The following AGBL4 variants were observed in gnomAD, a reference collection of about 807,000 sequenced individuals.
AGBL4 encodes cytosolic carboxypeptidase 6.
Under a neutral mutation model 66.4 loss-of-function variants are expected in AGBL4, and 58 were observed. That is an observed-to-expected ratio of 0.87 (90% confidence interval 0.71 to 1.09). AGBL4 has a LOEUF of 1.09. Ranked by LOEUF, AGBL4 falls within the 50% of genes least tolerant of loss-of-function variation. AGBL4 has a pLI of 0.00. For missense variants in AGBL4, 579 were observed against 631.0 expected, an observed-to-expected ratio of 0.92 and a Z score of 0.88; for synonymous variants, 234 against 222.9, an observed-to-expected ratio of 1.05 and a Z score of -0.44.
chr1:49,585,167 C>G (rs972111856), intron 3 of AGBL4, among the ~76,000 whole-genome samples: 2 of 152,180 alleles, frequency 1.3e-5, no homozygotes, highest in Admixed American at 6.5e-5. Context: ...CAAACTACAG[C>G]GTAGCTCTAC....
At chr1:49,163,707 T>G (rs1051518949) in intron 4 of AGBL4, among the ~76,000 whole-genome samples, 4 of 152,134 alleles carry the variant, frequency 2.6e-5, no homozygotes, top group Admixed American at 2.6e-4. Flanking sequence ...AATTCAAAAT[T>G]TTAGGATATT....
At chr1:49,730,618 A>T (rs1461162488) in intron 2 of AGBL4, among the ~76,000 whole-genome samples, 1 of 152,032 alleles carries the variant, frequency 6.6e-6, no homozygotes, top group Non-Finnish European at 1.5e-5. Flanking sequence ...TGCCATGTCC[A>T]CCTCATCTAG....
chr1:49,100,361 C>T (rs1031019401), intron 4 of AGBL4, among the ~76,000 whole-genome samples: 3 of 152,130 alleles, frequency 2.0e-5, no homozygotes, highest in African/African-American at 7.2e-5. Flanking sequence ...GTGTACCTCT[C>T]CGTATATGAA....
In AGBL4 at chr1:48,749,848, A is replaced by G. The variant is rs191315767; in HGVS notation, c.635-86607T>C. The stretch of plus-strand genomic sequence containing the variant: ...AGGGTATGTGCAGAACGCCCTGTCA[A>G]GGAAGCATTGAAGGCCCACACATGT... On this transcript the variant is annotated intron_variant, in intron 6 of 13. Transcript: ENST00000371839. 3.8e-3 allele frequency among the ~76,000 whole-genome samples: 572 copies of G among 152,312 alleles called. 3 individuals are homozygous for G. The highest frequency in any genetic ancestry group is 0.013 in the African/African-American group (541 of 41,570).
At chr1:48,828,638 A>G (rs1050559413) in intron 6 of AGBL4, among the ~76,000 whole-genome samples, 1 of 152,258 alleles carries the variant, frequency 6.6e-6, no homozygotes, top group African/African-American at 2.4e-5. Context: ...TGGAAATAAT[A>G]CATGATAACA....
intron 4 of AGBL4, among the ~76,000 whole-genome samples, chr1:49,230,032 T>C (rs549721609): frequency 9.2e-5 from 14 of 152,342 alleles, no homozygotes; most frequent in African/African-American, 2.9e-4. Flanking sequence ...TCAAGAGCCA[T>C]ACTGATACCA....
chr1:49,284,766 G>C (rs1440715720), intron 3 of AGBL4, among the ~76,000 whole-genome samples: 2 of 151,330 alleles, frequency 1.3e-5, no homozygotes, highest in African/African-American at 4.9e-5. Flanking sequence ...AAGATCAAAA[G>C]AGACAAAGAA....
chr1:49,878,558 C>T (rs1037973998), intron 1 of AGBL4, among the ~76,000 whole-genome samples: 1 of 152,036 alleles, frequency 6.6e-6, no homozygotes, highest in African/African-American at 2.4e-5. Flanking sequence ...TTTACATTTG[C>T]TGAGGAGTGC....
chr1:48,772,835 T>C (rs542079220), intron 6 of AGBL4, among the ~76,000 whole-genome samples: 2 of 152,298 alleles, frequency 1.3e-5, no homozygotes, highest in East Asian at 3.9e-4. Context: ...ACTTAAAAGA[T>C]AAACTGCAAA....
Position 48,663,237 on chromosome 1 carries a change from A to G in AGBL4, c.639T>C (p.Asn213=), listed in dbSNP as rs1304310192. The part of the protein sequence containing the change: ...LDLLTITSPD[N]LREGAEQKVV... Reference sequence around the variant, plus strand: ...CCTTCTGCTCTGCCCCTTCCCGGAGATTGTCTGTAAGATAAAATGAAAGAT... The same window carrying G: ...CCTTCTGCTCTGCCCCTTCCCGGAGGTTGTCTGTAAGATAAAATGAAAGAT... Residue 213 remains asparagine (N), a synonymous_variant, in exon 7 of 14, where the codon AAT becomes AAC. Coordinates refer to ENST00000371839, the MANE Select transcript of AGBL4 (RefSeq NM_032785.4). 12 of 1,613,594 alleles carry G rather than the reference A, an allele frequency of 7.4e-6. No homozygotes were observed. Among genetic ancestry groups the G allele is most frequent in the Non-Finnish European group, 1.0e-5 (12 of 1,179,818 alleles).
chr1:49,997,915 C>A (rs1489505953), intron 1 of AGBL4, among the ~76,000 whole-genome samples: 1 of 151,858 alleles, frequency 6.6e-6, no homozygotes, highest in Non-Finnish European at 1.5e-5. Flanking sequence ...CCTCAAAAAC[C>A]ATGAAAATAC....
rs191315613 is a variant in AGBL4 at position 48,850,488 on chromosome 1, G to A, written c.634+16703C>T. ...CTATCTCATCCCAATACTCATTTCTGCAGTAAATGGCTCATTTGTCCATTC... is the reference window on the plus strand; with the variant it reads ...CTATCTCATCCCAATACTCATTTCTACAGTAAATGGCTCATTTGTCCATTC... On this transcript the variant is annotated intron_variant, in intron 6 of 13. Coordinates refer to ENST00000371839, the MANE Select transcript of AGBL4 (RefSeq NM_032785.4). 2.1e-3 allele frequency among the ~76,000 whole-genome samples: 316 copies of A among 152,238 alleles called. 3 individuals are homozygous for A. The highest frequency in any genetic ancestry group is 7.3e-3 in the African/African-American group (304 of 41,518).
chr1:48,897,806 C>CTTTTT (rs55889870), intron 5 of AGBL4, among the ~76,000 whole-genome samples: 2 of 127,798 alleles, frequency 1.6e-5, no homozygotes, highest in South Asian at 2.6e-4. Context: ...CTTTTGCCCA[C>CTTTTT]TTTTTTTTTT....
At chr1:49,067,886 C>A (rs1644519913) in intron 4 of AGBL4, among the ~76,000 whole-genome samples, 1 of 151,612 alleles carries the variant, frequency 6.6e-6, no homozygotes, top group Non-Finnish European at 1.5e-5. Context: ...AGGTATTTCT[C>A]GTAATGCTAT....
intron 3 of AGBL4, among the ~76,000 whole-genome samples, chr1:49,564,935 G>T (rs1299024540): frequency 6.6e-6 from 1 of 152,090 alleles, no homozygotes; most frequent in Non-Finnish European, 1.5e-5. Flanking sequence ...TTATTGTGTG[G>T]GAGTCTAAGT....
chr1:48,662,139 C>T (rs901969408), intron 7 of AGBL4, among the ~76,000 whole-genome samples: 2 of 152,216 alleles, frequency 1.3e-5, no homozygotes, highest in African/African-American at 2.4e-5. Flanking sequence ...TTTATTTGCA[C>T]AGTGCTTGAT....
chr1:48,866,829 T>A (rs944946890), intron 6 of AGBL4, among the ~76,000 whole-genome samples: 4 of 152,174 alleles, frequency 2.6e-5, no homozygotes, highest in Non-Finnish European at 2.9e-5. Context: ...CTATGGCACC[T>A]TCCAAGCAGA....
chr1:49,702,100 G>A (rs527251859), intron 2 of AGBL4, among the ~76,000 whole-genome samples: 6 of 152,154 alleles, frequency 3.9e-5, no homozygotes, highest in Admixed American at 6.5e-5. Context: ...AAAACAAGTA[G>A]TATTAAATTA....
chr1:48,947,832 T>A (rs1307120090), intron 5 of AGBL4, among the ~76,000 whole-genome samples: 1 of 124,914 alleles, frequency 8.0e-6, no homozygotes, highest in African/African-American at 2.9e-5. Context: ...GTCCTTTAAA[T>A]TTTTTTTTTC....
Sources: gnomAD v4.1 joint callset for allele counts (sites outside exome capture counted in the v4.1 genomes callset) on GRCh38, gnomAD v4.1.1 for gene constraint, MANE v1.5 for transcripts, NCBI Gene and HGNC (gene_info 2026-07-23, HGNC 2026-07-21) for gene names.